Variants in ZNF804B observed in about 807,000 individuals in gnomAD.
The protein encoded by ZNF804B is zinc finger protein 804B.
A neutral mutation model predicts 101.4 loss-of-function variants in ZNF804B; 80 were observed. The ratio of observed to expected loss-of-function variants is 0.79; its 90% CI spans 0.66 to 0.95. The LOEUF is 0.95. Among genes scored for constraint, ZNF804B ranks in the 40% least tolerant of loss-of-function variants. The pLI is 0.00. For synonymous variants in ZNF804B, 622 were observed against 558.8 expected (o/e 1.11, Z -1.59); for missense variants, 1,673 against 1,561.9 (o/e 1.07, Z -1.20).
Position 89,213,824 on chromosome 7 carries a change from A to G in ZNF804B, c.109-4331A>G, listed in dbSNP as rs1788842556. On this transcript the variant is annotated intron_variant, in intron 1 of 3. Coordinates refer to ENST00000333190, the MANE Select transcript of ZNF804B (RefSeq NM_181646.5). ...TTTCCATATCTTTAAATGAGATAAT[A>G]ATAGAACATACTTCATAGGGTTATT... 2.0e-5 allele frequency among the ~76,000 whole-genome samples: 3 copies of G among 152,246 alleles called. No homozygotes were observed. The South Asian group carries it at 6.2e-4, about 31-fold the overall frequency.
chr7:88,981,968 G>C (rs955593402), intron 1 of ZNF804B, among the ~76,000 whole-genome samples: 2 of 151,844 alleles, frequency 1.3e-5, no homozygotes, highest in African/African-American at 2.4e-5. Context: ...CCTCATTTTT[G>C]ATTCTTATAA....
At chr7:89,015,914 T>A (rs1205084919) in intron 1 of ZNF804B, among the ~76,000 whole-genome samples, 1 of 150,988 alleles carries the variant, frequency 6.6e-6, no homozygotes, top group Non-Finnish European at 1.5e-5. Flanking sequence ...ATCGCCACAC[T>A]GACTTCCACA....
At chr7:89,056,472 A>C (rs891032465) in intron 1 of ZNF804B, among the ~76,000 whole-genome samples, 1 of 152,140 alleles carries the variant, frequency 6.6e-6, no homozygotes, top group African/African-American at 2.4e-5. Context: ...TGATGTAGCA[A>C]GGAAAGGAGA....
At position 88,780,386 on chromosome 7, in the gene ZNF804B, C is replaced by CTTT. The variant is rs34619990; in HGVS notation, c.108+20320_108+20322dup. ...AAATTAATGGTAAATACTTTTTTGT[C>CTTT]TTTTTTTTTTTTTTTTTTTTGAGAG... is the stretch of plus-strand genomic sequence containing the variant. On this transcript the variant is annotated intron_variant, in intron 1 of 3. Transcript: ENST00000333190. Among the ~76,000 whole-genome samples, 360 of 111,158 alleles carry CTTT rather than the reference C, an allele frequency of 3.2e-3. 13 individuals carry two copies. Among genetic ancestry groups the CTTT allele is most frequent in the African/African-American group, 8.4e-3 (239 of 28,564 alleles). The allele number at this position is 111,158 out of a possible 152,430, so 72.9% of individuals were successfully genotyped here. A position where few individuals can be genotyped will look rare whatever the true frequency, so the allele number is the denominator to read the frequency against.
At chr7:89,077,821 T>C (rs1789636702) in intron 1 of ZNF804B, among the ~76,000 whole-genome samples, 1 of 152,136 alleles carries the variant, frequency 6.6e-6, no homozygotes, top group Admixed American at 6.5e-5. Context: ...ACTACTTAAC[T>C]GTATCAATAT....
chr7:88,833,248 T>C (rs894098614), intron 1 of ZNF804B, among the ~76,000 whole-genome samples: 5 of 151,892 alleles, frequency 3.3e-5, no homozygotes, highest in African/African-American at 1.2e-4. Flanking sequence ...TTTTTCTAAC[T>C]AGTTATCTCC....
intron 1 of ZNF804B, among the ~76,000 whole-genome samples, chr7:88,793,123 T>A (rs571392416): frequency 1.3e-5 from 2 of 152,242 alleles, no homozygotes; most frequent in South Asian, 4.1e-4. Flanking sequence ...TCGTAAGATG[T>A]TAAGGTGATT....
intron 2 of ZNF804B, among the ~76,000 whole-genome samples, chr7:89,248,097 A>G (rs942069717): frequency 2.0e-5 from 3 of 152,216 alleles, no homozygotes; most frequent in East Asian, 1.9e-4. Flanking sequence ...TTCAAGAAAT[A>G]TGGGATGATG....
At chr7:89,161,520 T>C (rs986892327) in intron 1 of ZNF804B, among the ~76,000 whole-genome samples, 1 of 152,058 alleles carries the variant, frequency 6.6e-6, no homozygotes, top group Non-Finnish European at 1.5e-5. Context: ...ACTATTGAGA[T>C]CATGTCACCC....
chr7:89,093,259 T>A (rs1208210513), intron 1 of ZNF804B, among the ~76,000 whole-genome samples: 5 of 152,218 alleles, frequency 3.3e-5, no homozygotes, highest in African/African-American at 7.2e-5. Context: ...AAACACCTTA[T>A]CAATTAGAGT....
intron 2 of ZNF804B, among the ~76,000 whole-genome samples, chr7:89,325,376 A>G (rs38968): frequency 0.29 from 44,511 of 151,800 alleles, 7,963 homozygotes; most frequent in East Asian, 0.69. Flanking sequence ...CACATTGTGT[A>G]CACCCTTATT....
At chr7:88,839,599 A>G (rs1189098628) in intron 1 of ZNF804B, among the ~76,000 whole-genome samples, 2 of 152,092 alleles carry the variant, frequency 1.3e-5, no homozygotes, top group African/African-American at 2.4e-5. Context: ...AATTAGATCC[A>G]TCTATAAGCT....
intron 1 of ZNF804B, among the ~76,000 whole-genome samples, chr7:89,192,761 C>G (rs1017322033): frequency 6.6e-6 from 1 of 152,020 alleles, no homozygotes; most frequent in Non-Finnish European, 1.5e-5. Context: ...CAACAAAATA[C>G]TAGAAAACCA....
chr7:89,304,835 A>G (rs1790536082), intron 2 of ZNF804B, among the ~76,000 whole-genome samples: 1 of 151,948 alleles, frequency 6.6e-6, no homozygotes, highest in African/African-American at 2.4e-5. Flanking sequence ...TTGGCAAAAG[A>G]CGGTCTTAAT....
intron 1 of ZNF804B, among the ~76,000 whole-genome samples, chr7:89,098,027 G>A (rs892003843): frequency 1.3e-5 from 2 of 152,136 alleles, no homozygotes; most frequent in East Asian, 1.9e-4. Flanking sequence ...CATTCTTATC[G>A]TGCACTAGCT....
intron 2 of ZNF804B, among the ~76,000 whole-genome samples, chr7:89,322,062 G>C (rs902193895): frequency 1.3e-5 from 2 of 152,150 alleles, no homozygotes; most frequent in Non-Finnish European, 2.9e-5. Context: ...AAAACACGTA[G>C]TAAAGATTGA....
At chr7:89,232,364 C>T (rs1167850136) in intron 2 of ZNF804B, among the ~76,000 whole-genome samples, 2 of 151,958 alleles carry the variant, frequency 1.3e-5, no homozygotes, top group Non-Finnish European at 2.9e-5. Flanking sequence ...TGTTTCTGTT[C>T]TTGAGAGAAA....
intron 1 of ZNF804B, among the ~76,000 whole-genome samples, chr7:88,972,902 T>C (rs1393288166): frequency 6.6e-6 from 1 of 151,424 alleles, no homozygotes; most frequent in Non-Finnish European, 1.5e-5. Flanking sequence ...GCAGATTGAA[T>C]TTCTACAAAC....
intron 2 of ZNF804B, among the ~76,000 whole-genome samples, chr7:89,285,050 T>G (rs6965769): frequency 4.0e-5 from 6 of 151,700 alleles, no homozygotes; most frequent in African/African-American, 1.5e-4. Context: ...TAAAAAAATT[T>G]AAATTTAAAT....
Sources: allele counts gnomAD v4.1 joint callset (sites outside exome capture counted in the v4.1 genomes callset), GRCh38; gene constraint gnomAD v4.1.1; transcripts MANE v1.5; gene names NCBI Gene and HGNC (gene_info 2026-07-23, HGNC 2026-07-21).